Variants in SCAP observed in about 807,000 individuals in gnomAD.
The protein encoded by SCAP is sterol regulatory element-binding protein cleavage-activating protein.
Under a neutral mutation model 123.6 loss-of-function variants are expected in SCAP, and 65 were observed. The ratio of observed to expected loss-of-function variants is 0.53; its 90% CI spans 0.43 to 0.65. The LOEUF is 0.65. SCAP is among the 30% of genes least tolerant of loss of function. The probability of loss-of-function intolerance (pLI) is 0.00; values close to 1 mark genes in which losing one functional copy is unlikely to be tolerated. For synonymous variants in SCAP, 740 were observed against 726.3 expected (o/e 1.02, Z -0.30); for missense variants, 1,398 against 1,712.5 (o/e 0.82, Z 3.24).
At chr3:47,414,434 T>TG in intron 21 of SCAP, 48 bp from the exon 22 acceptor site, 1 of 1,605,796 alleles carries the variant, frequency 6.2e-7, no homozygotes, top group South Asian at 1.1e-5. Flanking sequence ...GTAATACCTC[T>TG]GTCAACAGTG....
rs34472664 is a variant in SCAP at position 47,473,080 on chromosome 3, C to CAAAAAAAAAAAAAAAA, written c.-99+2703_-99+2718dup. 5.0e-4 allele frequency among the ~76,000 whole-genome samples: 19 copies of CAAAAAAAAAAAAAAAA among 38,052 alleles called. 4 individuals are homozygous for CAAAAAAAAAAAAAAAA. The highest frequency in any genetic ancestry group is 1.2e-3 in the African/African-American group (10 of 8,586). 25.0% of individuals were successfully genotyped at this position (38,052 alleles called of 152,430 possible). On this transcript the variant is annotated intron_variant, in intron 1 of 22. Transcript: ENST00000265565. ...GGGCAAGAAGAGCGAAACTCCATCT[C>CAAAAAAAAAAAAAAAA]AAAAAAAAAAAAAAAAAAACAGACT...
At chr3:47,453,088 C>T (rs1343594982) in intron 1 of SCAP, among the ~76,000 whole-genome samples, 1 of 151,974 alleles carries the variant, frequency 6.6e-6, no homozygotes, top group African/African-American at 2.4e-5. Context: ...AGAGCAAGGC[C>T]TATCTCAAAA....
intron 3 of SCAP, among the ~76,000 whole-genome samples, chr3:47,434,337 G>A (rs1706484155): frequency 6.6e-6 from 1 of 152,226 alleles, no homozygotes. Flanking sequence ...ACACCTGACA[G>A]GCAAAAGGTA....
intron 3 of SCAP, among the ~76,000 whole-genome samples, chr3:47,432,314 G>GAAAAAAAAAA (rs11308011): frequency 2.6e-5 from 2 of 75,684 alleles, no homozygotes; most frequent in Admixed American, 1.7e-4. Context: ...ACTCCGTCTT[G>GAAAAAAAAAA]AAAAAAAAAA....
intron 1 of SCAP, among the ~76,000 whole-genome samples, chr3:47,454,045 G>A (rs1431653732): frequency 1.3e-5 from 2 of 152,204 alleles, no homozygotes; most frequent in African/African-American, 4.8e-5. Context: ...GAAGACATCT[G>A]ATAAAATTCA....
At chr3:47,434,879 T>A in intron 3 of SCAP, 129 bp downstream of exon 3, 1 of 1,161,292 alleles carries the variant, frequency 8.6e-7, no homozygotes, top group East Asian at 2.4e-5. Context: ...GGTACACTGA[T>A]AAAGCTGTTA....
chr3:47,464,222 G>T (rs1402939867), intron 1 of SCAP, among the ~76,000 whole-genome samples: 1 of 151,980 alleles, frequency 6.6e-6, no homozygotes, highest in African/African-American at 2.4e-5. Context: ...CACCATGTTA[G>T]TCAGGCTGGT....
At chr3:47,461,329 C>T (rs1026766748) in intron 1 of SCAP, among the ~76,000 whole-genome samples, 2 of 152,182 alleles carry the variant, frequency 1.3e-5, no homozygotes, top group Admixed American at 6.5e-5. Flanking sequence ...AATTGTAAGG[C>T]CTGCTGTAAG....
chr3:47,454,354 T>A (rs1467553892), intron 1 of SCAP, among the ~76,000 whole-genome samples: 1 of 148,494 alleles, frequency 6.7e-6, no homozygotes, highest in African/African-American at 2.5e-5. Context: ...GGCGAAAGAG[T>A]GAGACTCCGT....
intron 1 of SCAP, among the ~76,000 whole-genome samples, chr3:47,473,915 A>G (rs1708165594): frequency 1.3e-5 from 2 of 152,204 alleles, no homozygotes; most frequent in African/African-American, 4.8e-5. Flanking sequence ...CAGTGATTAT[A>G]AAGTCCACGG....
chr3:47,466,482 A>C (rs1391289546), intron 1 of SCAP, among the ~76,000 whole-genome samples: 1 of 152,216 alleles, frequency 6.6e-6, no homozygotes, highest in Non-Finnish European at 1.5e-5. Context: ...AAAAGAACCC[A>C]AAAATAAACT....
chr3:47,415,316 C>T lies in SCAP; in HGVS notation c.3057-136G>A, dbSNP rs535340958. On this transcript the variant is annotated intron_variant, in intron 18 of 22. Coordinates refer to ENST00000265565, the MANE Select transcript of SCAP (RefSeq NM_012235.4). ...TGGCCAAGAGGAAAGCACATGGTGC[C>T]AGAACAGATGCTGGAGCCAGAGGGC... The T allele has an allele frequency of 1.4e-4, 101 of 709,040 alleles. No individual in the cohort carries two copies. In the African/African-American group the frequency reaches 1.7e-3, roughly 12 times the overall value. The allele number at this position is 709,040 out of a possible 1,614,324, so 43.9% of individuals were successfully genotyped here.
chr3:47,418,762 G>A lies in SCAP; in HGVS notation c.2022C>T (p.Asp674=), dbSNP rs370739539. The A allele has an allele frequency of 2.8e-5, 45 of 1,580,138 alleles. No individual in the cohort carries two copies. Among genetic ancestry groups the A allele is most frequent in the African/African-American group, 1.5e-4 (11 of 73,470 alleles). Residue 674 remains aspartate, a synonymous_variant, in exon 14 of 23, where the codon GAC becomes GAT. Coordinates refer to ENST00000265565, the MANE Select transcript of SCAP (RefSeq NM_012235.4). ...CCGGTGGGGGCCAGGCACTGCGGCCGTCCTGAGGGTGCCGGCCCTCCAGAG... is the reference window on the plus strand; with the variant it reads ...CCGGTGGGGGCCAGGCACTGCGGCCATCCTGAGGGTGCCGGCCCTCCAGAG... ...REALEGRHPQ[D]GRSAWPPPGP...
intron 2 of SCAP, among the ~76,000 whole-genome samples, chr3:47,437,340 G>A (rs11712590): frequency 0.31 from 45,582 of 147,638 alleles, 7,291 homozygotes; most frequent in Non-Finnish European, 0.37. Flanking sequence ...TCAGAAGGCT[G>A]AGGCAGGAAA....
rs1218305265 is a variant in SCAP at position 47,425,591 on chromosome 3, A to C, written c.931T>G (p.Ser311Ala). The change falls in exon 8 of 23, where the codon TCC becomes GCC. Residue 311 changes from serine to alanine, a missense_variant. Physicochemically the swap from Ser to Ala is moderately conservative, Grantham distance 99. This residue lies in a region of SCAP where 319 missense variants were observed against 432.4 expected (regional missense o/e 0.74). Coordinates refer to ENST00000265565, the MANE Select transcript of SCAP (RefSeq NM_012235.4). ...FSTRKIDMVK[S>A]KWGLALAAVV... is the part of the protein sequence containing the mutation. ...GCAGCCAGGGCCAGCCCCCACTTGGACTTGACCATGTCGATCTTCCCTGGA... is the reference window on the plus strand; with the variant it reads ...GCAGCCAGGGCCAGCCCCCACTTGGCCTTGACCATGTCGATCTTCCCTGGA... The C allele has an allele frequency of 4.3e-6, 7 of 1,613,954 alleles. No homozygotes were observed. Among genetic ancestry groups the C allele is most frequent in the Non-Finnish European group, 5.9e-6 (7 of 1,180,052 alleles).
In SCAP at chr3:47,413,708, G is replaced by T; in HGVS notation, c.*146C>A. On this transcript the variant is annotated 3_prime_UTR_variant, in exon 23 of 23. Coordinates refer to ENST00000265565, the MANE Select transcript of SCAP (RefSeq NM_012235.4). ...GCTCCCAAAGTGCCTGACAGATGAT[G>T]ATATGGTTTTTTAAAAAAGTTTAAT... 1.8e-6 allele frequency: 2 copies of T among 1,117,528 alleles called. No individual in the cohort carries two copies. Among genetic ancestry groups the T allele is most frequent in the Non-Finnish European group, 2.5e-6 (2 of 784,644 alleles). 69.2% of individuals were successfully genotyped at this position (1,117,528 alleles called of 1,614,324 possible).
intron 9 of SCAP, 108 bp downstream of exon 9, chr3:47,423,825 A>T: frequency 1.3e-6 from 1 of 793,476 alleles, no homozygotes. Context: ...GGCAAGAGCA[A>T]GGGACATTTC....
In SCAP at chr3:47,418,692, C is replaced by G; in HGVS notation, c.2092G>C (p.Gly698Arg). The change falls in exon 14 of 23, where the codon GGT becomes CGT. Residue 698 changes from glycine (G) to arginine (R), a missense_variant. Around this residue, in one of 7 missense-constraint regions of SCAP, gnomAD observed 828 missense variants for 882.5 expected, o/e 0.94. Transcript: ENST00000265565. ...ACGTCTCCATGGGCCTGCACCCCAC[C>G]TGGGCCCTTGGGTCCTGCTTCCCAG... Reference protein sequence around the residue: ...GHWEAGPKGPGGVQAHGDVTL... With the variant: ...GHWEAGPKGPRGVQAHGDVTL... 1.2e-6 allele frequency: 2 copies of G among 1,610,982 alleles called. No individual in the cohort carries two copies. Among genetic ancestry groups the G allele is most frequent in the Non-Finnish European group, 1.7e-6 (2 of 1,179,202 alleles).
Position 47,413,894 on chromosome 3 carries a change from C to T in SCAP, c.3800G>A (p.Ser1267Asn). 6.2e-7 allele frequency: 1 copy of T among 1,613,166 alleles called. No individual in the cohort carries two copies. Among genetic ancestry groups the T allele is most frequent in the Middle Eastern group, 1.7e-4 (1 of 6,060 alleles). Residue 1267 changes from serine (S) to asparagine (N), a missense_variant, in exon 23 of 23, where the codon AGC (serine) becomes AAC (asparagine). Transcript: ENST00000265565. The stretch of plus-strand genomic sequence containing the variant: ...CAGCACAGAGGGCACATACACCAGG[C>T]TGAGCTCACTGCCAAAGTTGCAGAC... Reference protein sequence around the residue: ...AIVCNFGSELSLVYVPSVLEK... With the variant: ...AIVCNFGSELNLVYVPSVLEK...
Sources: gnomAD v4.1 joint callset for allele counts (sites outside exome capture counted in the v4.1 genomes callset) on GRCh38, gnomAD v4.1.1 for gene constraint, gnomAD v4.1.1 regional missense constraint, MANE v1.5 for transcripts, NCBI Gene and HGNC (gene_info 2026-07-23, HGNC 2026-07-21) for gene names.